Variants in PRMT7 observed in about 807,000 individuals in gnomAD.
PRMT7 encodes the protein protein arginine N-methyltransferase 7.
PRMT7 carries 75 observed loss-of-function variants against 85.4 expected under a neutral mutation model. That is an observed-to-expected ratio of 0.88 (90% CI 0.73 to 1.06). The LOEUF is 1.06. Among genes scored for constraint, PRMT7 ranks in the 50% least tolerant of loss-of-function variants. The pLI is 0.00. For missense variants in PRMT7, 868 were observed against 915.2 expected (o/e 0.95, Z 0.67); for synonymous variants, 397 against 359.5 (o/e 1.10, Z -1.18).
intron 2 of PRMT7, among the ~76,000 whole-genome samples, chr16:68,313,532 A>T (rs1457260667): frequency 1.3e-5 from 2 of 151,904 alleles, no homozygotes; most frequent in Non-Finnish European, 2.9e-5. Context: ...TCCGTCCACA[A>T]CCCCCTCCTT....
At chr16:68,336,770 G>A (rs6499170) in intron 6 of PRMT7, among the ~76,000 whole-genome samples, 93,143 of 151,980 alleles carry the variant, frequency 0.61, 28,726 homozygotes, top group East Asian at 0.79. Context: ...TCACTCTGTC[G>A]CGCAGGCTGG....
At chr16:68,355,912 G>A in intron 17 of PRMT7, 29 bp downstream of exon 17, 17 of 1,530,264 alleles carry the variant, frequency 1.1e-5, no homozygotes, top group Non-Finnish European at 1.4e-5. Context: ...GGGGGGCAGG[G>A]AGGGGCTGCT....
At chr16:68,338,796 C>A (rs1025260435) in intron 7 of PRMT7, among the ~76,000 whole-genome samples, 1 of 152,148 alleles carries the variant, frequency 6.6e-6, no homozygotes, top group Non-Finnish European at 1.5e-5. Context: ...TTGCCGGGTC[C>A]CTATTGCCTG....
At chr16:68,354,083 G>A (rs1317168193) in intron 16 of PRMT7, among the ~76,000 whole-genome samples, 2 of 152,200 alleles carry the variant, frequency 1.3e-5, no homozygotes, top group South Asian at 2.1e-4. Context: ...AGCATGGGCC[G>A]TGCTGTGTAT....
At position 68,352,278 on chromosome 16, in the gene PRMT7, A is replaced by G. The variant is rs1489820941; in HGVS notation, c.1444A>G (p.Thr482Ala). ...VSLLLGEPFF[T>A]TSLLPWHNLY... ...TCTCCTCCTGGGCGAGCCGTTCTTC[A>G]CTACCAGCCTGCTGCCGTGGCACAA... The change falls in exon 15 of 19, where the codon ACT becomes GCT. Residue 482 changes from threonine (T) to alanine (A), a missense_variant. Coordinates refer to ENST00000441236, the MANE Select transcript of PRMT7 (RefSeq NM_019023.5). The G allele has an allele frequency of 6.2e-7, 1 of 1,613,612 alleles. No individual in the cohort carries two copies. The highest frequency in any genetic ancestry group is 1.3e-5 in the African/African-American group (1 of 74,904).
intron 15 of PRMT7, 122 bp from the exon 16 acceptor site, chr16:68,353,370 C>A: frequency 6.5e-7 from 1 of 1,538,358 alleles, no homozygotes; most frequent in African/African-American, 1.4e-5. Flanking sequence ...CTCTGAGCCC[C>A]TTCATACTTG....
chr16:68,326,684 T>C (rs1449620782), intron 5 of PRMT7, among the ~76,000 whole-genome samples: 1 of 152,206 alleles, frequency 6.6e-6, no homozygotes, highest in Non-Finnish European at 1.5e-5. Flanking sequence ...TACTCTTAGC[T>C]CAGACAAGTG....
At chr16:68,326,210 C>A (rs559142315) in intron 5 of PRMT7, among the ~76,000 whole-genome samples, 1 of 152,248 alleles carries the variant, frequency 6.6e-6, no homozygotes, top group African/African-American at 2.4e-5. Context: ...ACTTTCCCTA[C>A]AAAATTGGGT....
intron 4 of PRMT7, chr16:68,323,868 A>G (rs944388037): frequency 6.6e-6 from 1 of 152,218 alleles, no homozygotes; most frequent in African/African-American, 2.4e-5. Flanking sequence ...CACTGTGCCT[A>G]TTGAGTCAGA....
At chr16:68,342,840 C>G (rs2151779613) in intron 9 of PRMT7, among the ~76,000 whole-genome samples, 1 of 152,310 alleles carries the variant, frequency 6.6e-6, no homozygotes, top group Non-Finnish European at 1.5e-5. Flanking sequence ...TGAATTCACC[C>G]ACAGAGTTGA....
chr16:68,350,321 C>T (rs1009109734), intron 14 of PRMT7, among the ~76,000 whole-genome samples: 1 of 152,096 alleles, frequency 6.6e-6, no homozygotes, highest in African/African-American at 2.4e-5. Flanking sequence ...TAGTTACGAT[C>T]GACTTTTTAA....
intron 3 of PRMT7, among the ~76,000 whole-genome samples, chr16:68,318,237 T>C (rs2151385930): frequency 6.6e-6 from 1 of 151,194 alleles, no homozygotes; most frequent in East Asian, 1.9e-4. Flanking sequence ...TCTCGCTCTG[T>C]TTCCCAGGCT....
In PRMT7 at chr16:68,329,168, G is replaced by T; in HGVS notation, c.385G>T (p.Gly129Cys). ...CAAGCATTCCACCGAGGTGACTGTA[G>T]GTCCAGGTGAGATTTACACACCCTG... ...INKHSTEVTV[G>C]PEGDMPCRAN... The change falls in exon 6 of 19, where the codon GGT becomes TGT. Residue 129 changes from glycine to cysteine, a missense_variant. Gly to Cys is a radical substitution (Grantham distance 159, BLOSUM62 -3). Transcript: ENST00000441236. 6.3e-7 allele frequency: 1 copy of T among 1,588,488 alleles called. No homozygotes were observed. Among genetic ancestry groups the T allele is most frequent in the South Asian group, 1.1e-5 (1 of 90,466 alleles).
At chr16:68,330,084 G>C (rs1391272803) in intron 6 of PRMT7, among the ~76,000 whole-genome samples, 1 of 151,922 alleles carries the variant, frequency 6.6e-6, no homozygotes, top group African/African-American at 2.4e-5. Context: ...AGCAGAGACG[G>C]GGTTTCACCA....
intron 14 of PRMT7, chr16:68,351,937 G>A (rs2087437955): frequency 4.3e-6 from 1 of 230,288 alleles, no homozygotes; most frequent in African/African-American, 2.3e-5. Flanking sequence ...TATCACATGG[G>A]GTCAGCCCCA....
In PRMT7 at chr16:68,352,301, CA is replaced by C; in HGVS notation, c.1469del (p.Asn490ThrfsTer21). 1 of 1,613,734 alleles carries C rather than the reference CA, an allele frequency of 6.2e-7. No individual in the cohort carries two copies. The highest frequency in any genetic ancestry group is 8.5e-7 in the Non-Finnish European group (1 of 1,180,038). ...TCACTACCAGCCTGCTGCCGTGGCA[CA>C]ACCTCTACTTCTGGTACGTGCGGAC... ...FFTTSLLPWH[N>X]LYFWYVRTAV... On this transcript the variant is annotated frameshift_variant, in exon 15 of 19. Transcript: ENST00000441236. LOFTEE classifies it high-confidence loss of function.
At chr16:68,322,534 T>C in intron 4 of PRMT7, 1 of 308,994 alleles carries the variant, frequency 3.2e-6, no homozygotes, top group Non-Finnish European at 6.8e-6. Flanking sequence ...ATCTTTGTTC[T>C]AGTCTAGGGT....
intron 2 of PRMT7, chr16:68,315,571 G>A (rs1333109701): frequency 3.8e-6 from 1 of 262,016 alleles, no homozygotes; most frequent in East Asian, 1.4e-4. Flanking sequence ...CTAGCCTTGA[G>A]GGCTGCACCT....
Position 68,345,679 on chromosome 16 carries a change from G to A in PRMT7, c.932G>A (p.Arg311Gln), listed in dbSNP as rs1195501851. ...TGACTCTGTTCTCCGTTTCAGTGGC[G>A]GGACCACTGGATGCAGTGTGTGTAC... is the stretch of plus-strand genomic sequence containing the variant. ...AHSDPEEMQW[R>Q]DHWMQCVYFL... Residue 311 changes from arginine to glutamine, a missense_variant, in exon 10 of 19, where the codon CGG becomes CAG. Transcript: ENST00000441236. The A allele has an allele frequency of 2.5e-6, 4 of 1,612,100 alleles. No individual in the cohort carries two copies. The highest frequency in any genetic ancestry group is 1.7e-5 in the Admixed American group (1 of 59,996).
Sources: gnomAD v4.1 joint callset for allele counts (sites outside exome capture counted in the v4.1 genomes callset) on GRCh38, gnomAD v4.1.1 for gene constraint, MANE v1.5 for transcripts, NCBI Gene and HGNC (gene_info 2026-07-23, HGNC 2026-07-21) for gene names.